Variants in COL27A1 observed in about 807,000 individuals in gnomAD.
COL27A1 encodes collagen type XXVII alpha 1 chain, also known as collagen alpha-1(XXVII) chain.
A neutral mutation model predicts 251.3 loss-of-function variants in COL27A1; 106 were observed. That is an observed-to-expected ratio of 0.42 (90% CI 0.36 to 0.50). The LOEUF is 0.50. COL27A1 is among the 20% of genes least tolerant of loss of function. The pLI, the probability that COL27A1 is intolerant of heterozygous loss-of-function variation, is 0.00. For missense variants in COL27A1, 2,325 were observed against 2,522.8 expected, an observed-to-expected ratio of 0.92 and a Z score of 1.68; for synonymous variants, 1,000 against 986.3, an observed-to-expected ratio of 1.01 and a Z score of -0.26.
chr9:114,284,310 G>A (rs1836118887), intron 40 of COL27A1, among the ~76,000 whole-genome samples: 1 of 152,238 alleles, frequency 6.6e-6, no homozygotes, highest in African/African-American at 2.4e-5. Flanking sequence ...GAGGAGGAGA[G>A]GAAAAGAGGC....
chr9:114,173,012 G>A (rs1388684322), intron 3 of COL27A1, among the ~76,000 whole-genome samples: 1 of 152,234 alleles, frequency 6.6e-6, no homozygotes, highest in African/African-American at 2.4e-5. Flanking sequence ...CGGGGTTCAG[G>A]GCACGAGAGC....
intron 34 of COL27A1, 169 bp from the exon 35 acceptor site, chr9:114,269,072 A>C (rs1045161615): frequency 3.6e-6 from 2 of 552,118 alleles, no homozygotes; most frequent in Non-Finnish European, 6.5e-6. Flanking sequence ...TACTTGGAAC[A>C]GGAGCTCTGG....
At chr9:114,250,214 C>T (rs557438389) in intron 24 of COL27A1, among the ~76,000 whole-genome samples, 4 of 152,358 alleles carry the variant, frequency 2.6e-5, no homozygotes, top group South Asian at 2.1e-4. Flanking sequence ...CTGTCCCAGC[C>T]AGCGGGTTTG....
intron 36 of COL27A1, 96 bp from the exon 37 acceptor site, chr9:114,275,565 G>A (rs1835441943): frequency 1.3e-6 from 1 of 761,466 alleles, no homozygotes; most frequent in Admixed American, 2.8e-5. Context: ...GTTGGCTGTG[G>A]ATGCCTGAAT....
chr9:114,275,713 A>G lies in COL27A1; in HGVS notation c.3662A>G (p.Glu1221Gly). 6.5e-7 allele frequency: 1 copy of G among 1,550,268 alleles called. No individual in the cohort carries two copies. Among genetic ancestry groups the G allele is most frequent in the East Asian group, 2.4e-5 (1 of 40,906 alleles). ...PDGEHGEKGQ[E>G]GLMGEDGPPG... is the part of the protein sequence containing the mutation. ...GGAGAACATGGCGAGAAAGGCCAGGAAGGGCTGATGGGTGAGGACGGGCCC... is the reference window on the plus strand; with the variant it reads ...GGAGAACATGGCGAGAAAGGCCAGGGAGGGCTGATGGGTGAGGACGGGCCC... The change falls in exon 37 of 61, where the codon GAA becomes GGA. Residue 1221 changes from glutamate (E) to glycine (G), a missense_variant. Transcript: ENST00000356083.
At chr9:114,281,231 G>A (rs1405825610) in intron 37 of COL27A1, among the ~76,000 whole-genome samples, 1 of 152,214 alleles carries the variant, frequency 6.6e-6, no homozygotes, top group Non-Finnish European at 1.5e-5. Context: ...TTCCAGGCCA[G>A]AAACGCTGCC....
At chr9:114,181,704 C>G (rs555928029) in intron 4 of COL27A1, among the ~76,000 whole-genome samples, 1 of 152,294 alleles carries the variant, frequency 6.6e-6, no homozygotes, top group East Asian at 1.9e-4. Flanking sequence ...AGGGCCCTTG[C>G]TGGAGAAAGT....
At chr9:114,224,602 C>T (rs1039125886) in intron 14 of COL27A1, among the ~76,000 whole-genome samples, 28 of 150,876 alleles carry the variant, frequency 1.9e-4, no homozygotes, top group African/African-American at 6.3e-4. Context: ...GTGGAATAAA[C>T]ACAGATTGTG....
chr9:114,178,761 G>A (rs1222537875), intron 4 of COL27A1, among the ~76,000 whole-genome samples: 9 of 152,172 alleles, frequency 5.9e-5, no homozygotes, highest in Non-Finnish European at 1.3e-4. Context: ...GAGGGGCCAT[G>A]CGGGGAGGAG....
chr9:114,260,859 G>T (rs950316601), intron 28 of COL27A1, among the ~76,000 whole-genome samples: 2 of 152,168 alleles, frequency 1.3e-5, no homozygotes, highest in East Asian at 1.9e-4. Flanking sequence ...ACCTGCTCAG[G>T]TTAGAGACTT....
At chr9:114,283,910 C>G in intron 40 of COL27A1, 148 bp downstream of exon 40, 1 of 809,396 alleles carries the variant, frequency 1.2e-6, no homozygotes, top group South Asian at 1.7e-5. Context: ...CCCCAGGGAG[C>G]GCTGGGCCCA....
chr9:114,219,679 G>A (rs1588687638), intron 12 of COL27A1, 112 bp from the exon 13 acceptor site: 1 of 766,536 alleles, frequency 1.3e-6, no homozygotes, highest in Non-Finnish European at 2.3e-6. Flanking sequence ...TGACCAAGGA[G>A]TGAGACTGCT....
chr9:114,186,510 G>C (rs1378438425), intron 5 of COL27A1, among the ~76,000 whole-genome samples: 4 of 152,182 alleles, frequency 2.6e-5, no homozygotes, highest in African/African-American at 9.7e-5. Flanking sequence ...CATGTGAGAG[G>C]CCCGGAGTGC....
chr9:114,307,919 G>T, intron 59 of COL27A1, 141 bp downstream of exon 59: 1 of 594,640 alleles, frequency 1.7e-6, no homozygotes, highest in Non-Finnish European at 3.0e-6. Flanking sequence ...CTCCTTCCGA[G>T]ACTCAGTTTC....
intron 6 of COL27A1, among the ~76,000 whole-genome samples, chr9:114,195,535 G>A (rs902395272): frequency 6.6e-6 from 1 of 152,216 alleles, no homozygotes; most frequent in Non-Finnish European, 1.5e-5. Flanking sequence ...CTGTTCTCAG[G>A]TCTTGGGGTG....
At chr9:114,253,487 GGAAGGAAT>G (rs1044889679) in intron 27 of COL27A1, among the ~76,000 whole-genome samples, 14 of 151,608 alleles carry the variant, frequency 9.2e-5, no homozygotes, top group Admixed American at 9.2e-4. Context: ...AGAAAAGAAA[GGAAGGAAT>G]GAAGGAAGGA....
At chr9:114,217,373 T>C (rs1830778079) in intron 12 of COL27A1, among the ~76,000 whole-genome samples, 1 of 152,154 alleles carries the variant, frequency 6.6e-6, no homozygotes, top group South Asian at 2.1e-4. Flanking sequence ...CAAAGAGAAC[T>C]GAGGCCCCAA....
At chr9:114,269,014 A>C in intron 34 of COL27A1, 1 of 450,322 alleles carries the variant, frequency 2.2e-6, no homozygotes, top group Non-Finnish European at 3.9e-6. Context: ...TGTTGGTGCT[A>C]ATTGTCCTCC....
At chr9:114,198,434 G>A (rs1829313911) in intron 7 of COL27A1, among the ~76,000 whole-genome samples, 1 of 152,212 alleles carries the variant, frequency 6.6e-6, no homozygotes, top group Non-Finnish European at 1.5e-5. Flanking sequence ...CAGCTGGGGA[G>A]CTCAAGCCCC....
Sources: allele counts gnomAD v4.1 joint callset (sites outside exome capture counted in the v4.1 genomes callset), GRCh38; gene constraint gnomAD v4.1.1; transcripts MANE v1.5; gene names NCBI Gene and HGNC (gene_info 2026-07-23, HGNC 2026-07-21).